GRB2: variants seen among roughly 807,000 people sequenced by gnomAD.
GRB2 encodes growth factor receptor-bound protein 2.
A neutral mutation model predicts 27.4 loss-of-function variants in GRB2; 2 were observed. The observed-to-expected ratio is 0.07, with a 90% CI of 0.03 to 0.23. GRB2 has a LOEUF of 0.23. Among genes scored for constraint, GRB2 ranks in the 10% least tolerant of loss-of-function variants. The pLI is 1.00. For missense variants in GRB2, 102 were observed against 282.4 expected, an observed-to-expected ratio of 0.36 and a Z score of 4.58; for synonymous variants, 94 against 99.6, an observed-to-expected ratio of 0.94 and a Z score of 0.33.
At position 75,386,346 on chromosome 17, in the gene GRB2, G is replaced by A. The variant is rs373258615; in HGVS notation, c.78+7205C>T. 5.9e-5 allele frequency among the ~76,000 whole-genome samples: 9 copies of A among 152,250 alleles called. No individual in the cohort carries two copies. The East Asian group carries it at 9.7e-4, about 16-fold the overall frequency. On this transcript the variant is annotated intron_variant, in intron 2 of 5. Coordinates refer to ENST00000316804, the MANE Select transcript of GRB2 (RefSeq NM_002086.5). ...GTTGGCCGGGCTGGTCGCAAACTCT[G>A]ACCTCAAGTGATCTACCCGCTTTGG...
At chr17:75,403,107 G>A (rs2079074342) in intron 1 of GRB2, among the ~76,000 whole-genome samples, 1 of 80,452 alleles carries the variant, frequency 1.2e-5, no homozygotes, top group Admixed American at 1.5e-4. Flanking sequence ...AGAAAATAAT[G>A]CGTATTCACT....
intron 1 of GRB2, among the ~76,000 whole-genome samples, chr17:75,399,756 G>A (rs924325266): frequency 1.3e-5 from 2 of 151,476 alleles, no homozygotes; most frequent in East Asian, 2.0e-4. Flanking sequence ...TGCAAGCTCC[G>A]TCTCCCAGGT....
rs144671717 is a variant in GRB2, at chr17:75,347,808, C to T, written c.79-15011G>A. Among the ~76,000 whole-genome samples the T allele has an allele frequency of 4.8e-4, 73 of 152,266 alleles. 1 individual carries two copies. The highest frequency in any genetic ancestry group is 1.7e-3 in the African/African-American group (71 of 41,558). On this transcript the variant is annotated intron_variant, in intron 2 of 5. Coordinates refer to ENST00000316804, the MANE Select transcript of GRB2 (RefSeq NM_002086.5). ...TGGAGGTCCCCAGCTGGAGTCAACACCTTGCAAATAGTCTCATTATTAAAA... is the reference window on the plus strand; with the variant it reads ...TGGAGGTCCCCAGCTGGAGTCAACATCTTGCAAATAGTCTCATTATTAAAA...
intron 2 of GRB2, among the ~76,000 whole-genome samples, chr17:75,390,735 A>C (rs2078993085): frequency 6.6e-6 from 1 of 152,160 alleles, no homozygotes. Flanking sequence ...TTTTAACTAA[A>C]AGTTAACCAG....
At chr17:75,366,673 G>A (rs1166109397) in intron 2 of GRB2, among the ~76,000 whole-genome samples, 1 of 152,030 alleles carries the variant, frequency 6.6e-6, no homozygotes, top group Non-Finnish European at 1.5e-5. Flanking sequence ...AGCCGGGTGT[G>A]GTAGTGCATG....
At chr17:75,398,926 T>C (rs1464623395) in intron 1 of GRB2, among the ~76,000 whole-genome samples, 1 of 151,188 alleles carries the variant, frequency 6.6e-6, no homozygotes, top group East Asian at 2.0e-4. Context: ...TTTTCTATTT[T>C]TAATAGAGAC....
At chr17:75,361,326 C>T (rs55670130) in intron 2 of GRB2, among the ~76,000 whole-genome samples, 7,467 of 152,248 alleles carry the variant, frequency 0.049, 319 homozygotes, top group Non-Finnish European at 0.07. Flanking sequence ...AACTAAACTA[C>T]AGAGTGGCAA....
chr17:75,346,671 C>T (rs369397314), intron 2 of GRB2, among the ~76,000 whole-genome samples: 6 of 150,726 alleles, frequency 4.0e-5, no homozygotes, highest in South Asian at 4.2e-4. Context: ...CAACCTCCAC[C>T]GCCCGGGTTC....
At chr17:75,388,424 A>C (rs1313533283) in intron 2 of GRB2, among the ~76,000 whole-genome samples, 1 of 152,000 alleles carries the variant, frequency 6.6e-6, no homozygotes, top group Non-Finnish European at 1.5e-5. Context: ...TCCTTCTTAA[A>C]GATTAAATGC....
chr17:75,401,904 C>G (rs4789189), intron 1 of GRB2, among the ~76,000 whole-genome samples: 97,334 of 152,186 alleles, frequency 0.64, 37,290 homozygotes, highest in East Asian at 0.91. Flanking sequence ...GAGACCTTAA[C>G]TAGTATTTTC....
intron 2 of GRB2, among the ~76,000 whole-genome samples, chr17:75,386,430 C>A (rs960630414): frequency 6.6e-6 from 1 of 152,100 alleles, no homozygotes; most frequent in African/African-American, 2.4e-5. Context: ...AGAACAAATT[C>A]TTAAAATGTT....
At position 75,354,269 on chromosome 17, in the gene GRB2, G is replaced by A. The variant is rs889616632; in HGVS notation, c.79-21472C>T. On this transcript the variant is annotated intron_variant, in intron 2 of 5. Transcript: ENST00000316804. ...TTATTCATGGTCTTTTTTTTTGGGGGGGGGGGGGAGATGGAGTTTCACTCT... is the reference window on the plus strand; with the variant it reads ...TTATTCATGGTCTTTTTTTTTGGGGAGGGGGGGGAGATGGAGTTTCACTCT... Among the ~76,000 whole-genome samples the A allele has an allele frequency of 6.4e-3, 660 of 103,372 alleles. 59 individuals are homozygous for A. Among genetic ancestry groups the A allele is most frequent in the African/African-American group, 0.017 (612 of 35,436 alleles). 67.8% of individuals were successfully genotyped at this position (103,372 alleles called of 152,430 possible).
In GRB2 at chr17:75,320,198, A is replaced by T; in HGVS notation, c.*170T>A. On this transcript the variant is annotated 3_prime_UTR_variant, in exon 6 of 6. Coordinates refer to ENST00000316804, the MANE Select transcript of GRB2 (RefSeq NM_002086.5). The surrounding 1 kb of genome is among the most constrained non-coding windows in gnomAD (Gnocchi z 4.3). Reference sequence around the variant, plus strand: ...GTAAGTTTTGGCATTTTTAAATCCAACGCCCCCTCCCACCCCCTAAAGTTC... The same window carrying T: ...GTAAGTTTTGGCATTTTTAAATCCATCGCCCCCTCCCACCCCCTAAAGTTC... The T allele has an allele frequency of 1.7e-6, 1 of 576,704 alleles. No individual in the cohort carries two copies. Among genetic ancestry groups the T allele is most frequent in the East Asian group, 2.7e-5 (1 of 37,074 alleles). The allele number at this position is 576,704 out of a possible 1,614,324, so 35.7% of individuals were successfully genotyped here.
chr17:75,405,624 AGCC>A lies in GRB2; in HGVS notation c.-276_-274del, dbSNP rs997553253. 95 of 162,212 alleles carry A rather than the reference AGCC, an allele frequency of 5.9e-4. No homozygotes were observed. The highest frequency in any genetic ancestry group is 1.2e-3 in the South Asian group (9 of 7,470). The allele number at this position is 162,212 out of a possible 1,614,324, so 10.0% of individuals were successfully genotyped here. Reference sequence around the variant, plus strand: ...CCGCCACAGGCACAGACTCTGCCACAGCCGCCGCCGCCGCTGCCGCCGCCCGGT... The same window carrying A: ...CCGCCACAGGCACAGACTCTGCCACAGCCGCCGCCGCTGCCGCCGCCCGGT... On this transcript the variant is annotated 5_prime_UTR_variant, in exon 1 of 6. Coordinates refer to ENST00000316804, the MANE Select transcript of GRB2 (RefSeq NM_002086.5).
chr17:75,349,339 G>A (rs1047452312), intron 2 of GRB2, among the ~76,000 whole-genome samples: 12 of 152,060 alleles, frequency 7.9e-5, no homozygotes, highest in African/African-American at 2.9e-4. Context: ...TGCTGGCCAT[G>A]TTACTAAAAC....
intron 2 of GRB2, among the ~76,000 whole-genome samples, chr17:75,360,980 AG>A (rs10714720): frequency 1 from 152,092 of 152,092 alleles, 76,046 homozygotes; most frequent in Non-Finnish European, 1. Context: ...TCTATTGAAC[AG>A]GGCTGGTCTC....
chr17:75,351,873 C>CTAAGTA (rs1386296283), intron 2 of GRB2, among the ~76,000 whole-genome samples: 1 of 152,094 alleles, frequency 6.6e-6, no homozygotes, highest in Non-Finnish European at 1.5e-5. Context: ...TATGAAAATT[C>CTAAGTA]TAAGTAGTAC....
chr17:75,405,226 C>T (rs1237086343), intron 1 of GRB2: 1 of 152,176 alleles, frequency 6.6e-6, no homozygotes, highest in Admixed American at 6.5e-5. Context: ...CCGATGAAGG[C>T]AGGGGACCTC....
intron 2 of GRB2, among the ~76,000 whole-genome samples, chr17:75,384,137 G>C (rs1032221646): frequency 8.5e-5 from 13 of 152,080 alleles, no homozygotes; most frequent in Admixed American, 7.2e-4. Flanking sequence ...CTGCCAAAAG[G>C]ACGAAGGTTT....
Sources: gnomAD v4.1 joint callset for allele counts (sites outside exome capture counted in the v4.1 genomes callset) on GRCh38, gnomAD v4.1.1 for gene constraint, Gnocchi (gnomAD v3.1) non-coding constraint, MANE v1.5 for transcripts, NCBI Gene and HGNC (gene_info 2026-07-23, HGNC 2026-07-21) for gene names.